The following ZNF230 variants were observed in gnomAD, a reference collection of about 807,000 sequenced individuals.
ZNF230 encodes zinc finger protein 230, also known as zinc finger protein FDZF2.
Under a neutral mutation model 10.0 loss-of-function variants are expected in ZNF230, and 12 were observed. The ratio of observed to expected loss-of-function variants is 1.20; its 90% CI spans 0.77 to 1.95. The LOEUF is 1.95. Among genes scored for constraint, ZNF230 ranks in the 30% most tolerant of loss-of-function variants. The pLI is 0.00. For synonymous variants in ZNF230, 174 were observed against 193.6 expected (o/e 0.90, Z 0.84); for missense variants, 532 against 565.8 (o/e 0.94, Z 0.61).
rs200175341 is a variant in ZNF230 at position 44,011,064 on chromosome 19, G to C, written c.1025G>C (p.Gly342Ala). Residue 342 changes from glycine to alanine, a missense_variant, in exon 5 of 5, where the codon GGG (glycine) becomes GCG (alanine). Coordinates refer to ENST00000429154, the MANE Select transcript of ZNF230 (RefSeq NM_006300.4). ...GQKPYNCKECGKSFRWSSYLL... is the reference protein window; with the variant it reads ...GQKPYNCKECAKSFRWSSYLL... ...AAACCGTACAATTGTAAAGAATGTG[G>C]GAAGAGCTTCAGATGGTCCTCATAT... is the stretch of plus-strand genomic sequence containing the variant. 6.2e-7 allele frequency: 1 copy of C among 1,614,046 alleles called. No individual in the cohort carries two copies. The highest frequency in any genetic ancestry group is 2.2e-5 in the East Asian group (1 of 44,890).
At position 44,010,425 on chromosome 19, in the gene ZNF230, G is replaced by T. The variant is rs774133993; in HGVS notation, c.386G>T (p.Gly129Val). Residue 129 changes from glycine to valine, a missense_variant, in exon 5 of 5, where the codon GGA becomes GTA. Gly to Val is a moderately radical substitution (Grantham distance 109). Coordinates refer to ENST00000429154, the MANE Select transcript of ZNF230 (RefSeq NM_006300.4). ...QGDVPSQVEA[G>V]LSIIHTGQKP... is the part of the protein sequence containing the mutation. ...GATGTCCCCTCCCAGGTTGAGGCAGGACTATCTATAATTCATACAGGACAG... is the reference window on the plus strand; with the variant it reads ...GATGTCCCCTCCCAGGTTGAGGCAGTACTATCTATAATTCATACAGGACAG... The T allele has an allele frequency of 1.2e-6, 2 of 1,614,096 alleles. No homozygotes were observed. Among genetic ancestry groups the T allele is most frequent in the South Asian group, 1.1e-5 (1 of 91,090 alleles).
chr19:44,011,101 T>C lies in ZNF230; in HGVS notation c.1062T>C (p.His354=), dbSNP rs561218487. The change falls in exon 5 of 5, where the codon CAT becomes CAC. Residue 354 remains histidine, a synonymous_variant. Transcript: ENST00000429154. The stretch of plus-strand genomic sequence containing the variant: ...GATGGTCCTCATATCTTTTGATCCA[T>C]CAGCGAATCCACAGTGGAGAAAAAC... ...SFRWSSYLLI[H]QRIHSGEKPY... 4.2e-5 allele frequency: 68 copies of C among 1,614,182 alleles called. No individual in the cohort carries two copies. In the East Asian group the frequency reaches 6.0e-4, roughly 14 times the overall value.
In ZNF230 at chr19:44,012,757, G is replaced by A. The variant is rs531847733; in HGVS notation, c.*1293G>A. On this transcript the variant is annotated 3_prime_UTR_variant, in exon 5 of 5. Transcript: ENST00000429154. ...ATATGATATTTTAAAATTGCATCTA[G>A]GAGAGAAAATCTACAAAAAATAATT... The A allele has an allele frequency of 1.7e-4, 33 of 199,138 alleles. No individual in the cohort carries two copies. Among genetic ancestry groups the A allele is most frequent in the Non-Finnish European group, 3.0e-4 (29 of 97,314 alleles). 12.3% of individuals were successfully genotyped at this position (199,138 alleles called of 1,614,324 possible).
chr19:44,010,560 G>C lies in ZNF230; in HGVS notation c.521G>C (p.Gly174Ala). 6.2e-7 allele frequency: 1 copy of C among 1,614,236 alleles called. No homozygotes were observed. The highest frequency in any genetic ancestry group is 8.5e-7 in the Non-Finnish European group (1 of 1,180,040). Residue 174 changes from glycine (G) to alanine (A), a missense_variant, in exon 5 of 5, where the codon GGA (glycine) becomes GCA (alanine). Physicochemically the swap from Gly to Ala is moderately conservative, Grantham distance 60. Transcript: ENST00000429154. ...AAGTCTCATACATGCAATGAGTGTG[G>C]AAAAAGCTTCTGTTACATCTCAGCT... ...GEKSHTCNECGKSFCYISALR... is the reference protein window; with the variant it reads ...GEKSHTCNECAKSFCYISALR...
intron 2 of ZNF230, among the ~76,000 whole-genome samples, chr19:44,008,077 T>A (rs1976139003): frequency 2.0e-5 from 3 of 151,856 alleles, no homozygotes; most frequent in African/African-American, 7.3e-5. Flanking sequence ...GTGGGTGGAG[T>A]CACGACTGCA....
Position 44,010,983 on chromosome 19 carries a change from A to G in ZNF230, c.944A>G (p.Lys315Arg), listed in dbSNP as rs760401970. Residue 315 changes from lysine to arginine, a missense_variant, in exon 5 of 5, where the codon AAA becomes AGA. Physicochemically the swap from Lys to Arg is conservative, Grantham distance 26 (BLOSUM62 2). Transcript: ENST00000429154. ...CTGTACAAATCTGAGGAGTGTGGAA[A>G]AGGCTTCACTGATAGCCTAGATTTG... ...EKLYKSEECGKGFTDSLDLHK... is the reference protein window; with the variant it reads ...EKLYKSEECGRGFTDSLDLHK... 2 of 1,614,226 alleles carry G rather than the reference A, an allele frequency of 1.2e-6. No homozygotes were observed. The highest frequency in any genetic ancestry group is 1.7e-6 in the Non-Finnish European group (2 of 1,180,030).
chr19:44,004,573 A>C (rs371950566), intron 1 of ZNF230: 1 of 151,928 alleles, frequency 6.6e-6, no homozygotes, highest in African/African-American at 2.4e-5. Flanking sequence ...CTCTACCAAA[A>C]ATACAAATAT....
At position 44,010,464 on chromosome 19, in the gene ZNF230, A is replaced by G. The variant is rs1490967129; in HGVS notation, c.425A>G (p.Asn142Ser). The change falls in exon 5 of 5, where the codon AAT becomes AGT. Residue 142 changes from asparagine (N) to serine (S), a missense_variant. Coordinates refer to ENST00000429154, the MANE Select transcript of ZNF230 (RefSeq NM_006300.4). The part of the protein sequence containing the change: ...IIHTGQKPSQ[N>S]GKCKQSFSDV... ...CATACAGGACAGAAACCTTCACAGA[A>G]TGGGAAGTGTAAACAGTCCTTCAGT... 14 of 1,614,234 alleles carry G rather than the reference A, an allele frequency of 8.7e-6. No homozygotes were observed. Among genetic ancestry groups the G allele is most frequent in the Non-Finnish European group, 1.2e-5 (14 of 1,180,040 alleles).
chr19:44,007,929 G>C (rs1460134168), intron 2 of ZNF230, among the ~76,000 whole-genome samples: 1 of 152,170 alleles, frequency 6.6e-6, no homozygotes, highest in Non-Finnish European at 1.5e-5. Flanking sequence ...TACAGACTTG[G>C]CGAGTCTACC....
At position 44,010,608 on chromosome 19, in the gene ZNF230, A is replaced by T. The variant is rs1385909579; in HGVS notation, c.569A>T (p.His190Leu). The change falls in exon 5 of 5, where the codon CAC (histidine) becomes CTC (leucine). Residue 190 changes from histidine (H) to leucine (L), a missense_variant. His to Leu is a moderately conservative substitution (Grantham distance 99, BLOSUM62 -3). Transcript: ENST00000429154. ...ISALRIHQRV[H>L]LREKLSKCDM... is the part of the protein sequence containing the mutation. ...GCTCTTCGTATTCACCAGAGAGTTC[A>T]CTTGAGAGAGAAACTCTCTAAGTGT... 4 of 1,614,112 alleles carry T rather than the reference A, an allele frequency of 2.5e-6. No individual in the cohort carries two copies. Among genetic ancestry groups the T allele is most frequent in the Non-Finnish European group, 3.4e-6 (4 of 1,180,042 alleles).
At chr19:44,004,142 T>A (rs1048129479) in intron 1 of ZNF230, 3 of 152,356 alleles carry the variant, frequency 2.0e-5, no homozygotes, top group Non-Finnish European at 2.9e-5. Flanking sequence ...TAGGAATTTT[T>A]AAAAATTTCT....
rs564242815 is a variant in ZNF230 at position 44,008,862 on chromosome 19, A to T, written c.88A>T (p.Arg30Trp). 2 of 1,614,150 alleles carry T rather than the reference A, an allele frequency of 1.2e-6. No homozygotes were observed. Among genetic ancestry groups the T allele is most frequent in the East Asian group, 4.5e-5 (2 of 44,876 alleles). Residue 30 changes from arginine to tryptophan, a missense_variant, in exon 3 of 5, where the codon AGG becomes TGG. Arg to Trp is a moderately radical substitution (Grantham distance 101, BLOSUM62 -3). Transcript: ENST00000429154. ...ACTGGGGCTACTGGACCCTGCCCAG[A>T]GGAAGCTGTACCAAGACGTGATGCT... ...EELGLLDPAQ[R>W]KLYQDVMLEN...
In ZNF230 at chr19:44,012,058, C is replaced by G; in HGVS notation, c.*594C>G. The G allele has an allele frequency of 1.1e-5, 2 of 180,430 alleles. No homozygotes were observed. The highest frequency in any genetic ancestry group is 2.4e-5 in the African/African-American group (1 of 40,998). The allele number at this position is 180,430 out of a possible 1,614,324, so 11.2% of individuals were successfully genotyped here. A position where few individuals can be genotyped will look rare whatever the true frequency, so the allele number is the denominator to read the frequency against. ...GAACATGGTAGTGTAGATATCTGAT[C>G]CACATACTGATTTCCTTTGCTTTGG... On this transcript the variant is annotated 3_prime_UTR_variant, in exon 5 of 5. Coordinates refer to ENST00000429154, the MANE Select transcript of ZNF230 (RefSeq NM_006300.4).
rs187189231 is a variant in ZNF230 at position 44,011,697 on chromosome 19, A to G, written c.*233A>G. ...GTATTTCTCCTATCTAGCAGTACTT[A>G]TGTATCTTGTTACCCAATCTTTGGC... On this transcript the variant is annotated 3_prime_UTR_variant, in exon 5 of 5. Coordinates refer to ENST00000429154, the MANE Select transcript of ZNF230 (RefSeq NM_006300.4). 4 of 430,490 alleles carry G rather than the reference A, an allele frequency of 9.3e-6. No individual in the cohort carries two copies. The highest frequency in any genetic ancestry group is 6.1e-5 in the African/African-American group (3 of 49,548). 26.7% of individuals were successfully genotyped at this position (430,490 alleles called of 1,614,324 possible).
At chr19:44,007,154 A>AT in intron 2 of ZNF230, 61 bp downstream of exon 2, 1 of 1,553,878 alleles carries the variant, frequency 6.4e-7, no homozygotes. Context: ...ATTGTCATAT[A>AT]TTTTTCTCTG....
chr19:44,005,628 C>A (rs1976115552), intron 1 of ZNF230, among the ~76,000 whole-genome samples: 1 of 152,126 alleles, frequency 6.6e-6, no homozygotes, highest in Non-Finnish European at 1.5e-5. Context: ...GTGGCTCATG[C>A]CTGTAATCCC....
intron 2 of ZNF230, 88 bp downstream of exon 2, chr19:44,007,181 G>A (rs1052170743): frequency 1.7e-5 from 22 of 1,305,720 alleles, no homozygotes; most frequent in Non-Finnish European, 2.2e-5. Flanking sequence ...GAAGACTCAA[G>A]GAGGAAATGG....
At position 44,010,279 on chromosome 19, in the gene ZNF230, T is replaced by C. The variant is rs772162587; in HGVS notation, c.240T>C (p.Thr80=). The change falls in exon 5 of 5, where the codon ACT becomes ACC. Residue 80 remains threonine (T), a synonymous_variant. Coordinates refer to ENST00000429154, the MANE Select transcript of ZNF230 (RefSeq NM_006300.4). ...TCTGTGTCCTTATAGGCGGCAAGAC[T>C]ATTGCGGAAGCAGGACCACATGAAG... The part of the protein sequence containing the change: ...TQREGNSGGK[T]IAEAGPHEDC... The C allele has an allele frequency of 2.5e-6, 4 of 1,606,500 alleles. No homozygotes were observed. In the South Asian group the frequency reaches 4.5e-5, roughly 18 times the overall value.
chr19:44,010,435 A>G lies in ZNF230; in HGVS notation c.396A>G (p.Ile132Met). 2 of 1,614,222 alleles carry G rather than the reference A, an allele frequency of 1.2e-6. No individual in the cohort carries two copies. Among genetic ancestry groups the G allele is most frequent in the Non-Finnish European group, 1.7e-6 (2 of 1,180,028 alleles). The stretch of plus-strand genomic sequence containing the variant: ...CCCAGGTTGAGGCAGGACTATCTAT[A>G]ATTCATACAGGACAGAAACCTTCAC... ...VPSQVEAGLSIIHTGQKPSQN... is the reference protein window; with the variant it reads ...VPSQVEAGLSMIHTGQKPSQN... Residue 132 changes from isoleucine (I) to methionine (M), a missense_variant, in exon 5 of 5, where the codon ATA becomes ATG. Physicochemically the swap from Ile to Met is conservative, Grantham distance 10. Transcript: ENST00000429154.
Sources: gnomAD v4.1 joint callset for allele counts (sites outside exome capture counted in the v4.1 genomes callset) on GRCh38, gnomAD v4.1.1 for gene constraint, MANE v1.5 for transcripts, NCBI Gene and HGNC (gene_info 2026-07-23, HGNC 2026-07-21) for gene names.